CUL2: variants seen among roughly 807,000 people sequenced by gnomAD.
CUL2 encodes cullin 2, also known as cullin-2.
A neutral mutation model predicts 110.2 loss-of-function variants in CUL2; 22 were observed. The ratio of observed to expected loss-of-function variants is 0.20; its 90% CI spans 0.14 to 0.28. The LOEUF is 0.28. Ranked by LOEUF, CUL2 falls within the 10% of genes least tolerant of loss-of-function variation. The pLI is 1.00. For missense variants in CUL2, 631 were observed against 905.5 expected, an observed-to-expected ratio of 0.70 and a Z score of 3.89; for synonymous variants, 279 against 293.2, an observed-to-expected ratio of 0.95 and a Z score of 0.49.
At chr10:35,119,560 T>TTTTATTTATTTATTTA (rs10589195) in intron 1 of CUL2, among the ~76,000 whole-genome samples, 1 of 140,692 alleles carries the variant, frequency 7.1e-6, no homozygotes, top group Non-Finnish European at 1.5e-5. Context: ...TTAAAATTAA[T>TTTTATTTATTTATTTA]TTTATTTATT....
chr10:35,088,517 AAAAAG>A (rs1308502559), intron 1 of CUL2, among the ~76,000 whole-genome samples: 144 of 151,534 alleles, frequency 9.5e-4, no homozygotes, highest in African/African-American at 3.4e-3. Flanking sequence ...AAAAAAAAAA[AAAAAG>A]AAATGTAATG....
In CUL2 at chr10:35,008,942, G is replaced by T. The variant is rs1250630410; in HGVS notation, c.*1369C>A. ...AAAATATTCCGATTTTAAAAATTTT[G>T]TGTTGGATGGATGCAGTGGCTCATG... On this transcript the variant is annotated 3_prime_UTR_variant, in exon 21 of 21. Transcript: ENST00000374749. The T allele has an allele frequency of 6.6e-6, 1 of 151,866 alleles. No homozygotes were observed. Among genetic ancestry groups the T allele is most frequent in the African/African-American group, 2.4e-5 (1 of 41,354 alleles). 9.4% of individuals were successfully genotyped at this position (151,866 alleles called of 1,614,324 possible). A position where few individuals can be genotyped will look rare whatever the true frequency, so the allele number is the denominator to read the frequency against.
At chr10:35,021,881 T>TGAGGTGGGGTGAGGTGGGGG (rs2085207351) in intron 17 of CUL2, among the ~76,000 whole-genome samples, 1 of 34,704 alleles carries the variant, frequency 2.9e-5, no homozygotes, top group African/African-American at 1.2e-4. Context: ...TGAGGTGGGG[T>TGAGGTGGGGTGAGGTGGGGG]GAGGTGGGGT....
rs565990134 is a variant in CUL2 at position 35,029,423 on chromosome 10, T to C, written c.1539+65A>G. ...CCAAACGTAATCAGGCATCCATTTA[T>C]GAATCATTTGTATCAACGTACTGAA... On this transcript the variant is annotated intron_variant, in intron 15 of 20. Coordinates refer to ENST00000374749, the MANE Select transcript of CUL2 (RefSeq NM_003591.4). 36 of 1,121,520 alleles carry C rather than the reference T, an allele frequency of 3.2e-5. No individual in the cohort carries two copies. In the South Asian group the frequency reaches 6.3e-4, roughly 20 times the overall value. The allele number at this position is 1,121,520 out of a possible 1,614,324, so 69.5% of individuals were successfully genotyped here.
chr10:35,042,530 A>G (rs902282133), intron 8 of CUL2, among the ~76,000 whole-genome samples: 1 of 151,952 alleles, frequency 6.6e-6, no homozygotes. Context: ...ATCTTGCCCT[A>G]CCTTTCTGAC....
chr10:35,075,596 C>T (rs1240971806), intron 1 of CUL2, among the ~76,000 whole-genome samples: 1 of 151,166 alleles, frequency 6.6e-6, no homozygotes, highest in Non-Finnish European at 1.5e-5. Flanking sequence ...GGGTTTTAGA[C>T]ACACAGGTCC....
chr10:35,060,372 AC>A (rs1356093422), intron 4 of CUL2, among the ~76,000 whole-genome samples: 1 of 152,212 alleles, frequency 6.6e-6, no homozygotes, highest in Non-Finnish European at 1.5e-5. Flanking sequence ...GATGGGAGAG[AC>A]CATGGGCCAT....
chr10:35,014,926 G>GA (rs1157577794), intron 18 of CUL2, among the ~76,000 whole-genome samples: 2 of 152,006 alleles, frequency 1.3e-5, no homozygotes, highest in African/African-American at 4.8e-5. Context: ...GCATGTTTTA[G>GA]AAAAAAATAT....
At chr10:35,099,283 C>T (rs559582798) in intron 2 of CUL2, among the ~76,000 whole-genome samples, 28 of 151,208 alleles carry the variant, frequency 1.9e-4, no homozygotes, top group South Asian at 1.0e-3. Flanking sequence ...CCCAGCTACT[C>T]GGGAGACTGA....
At chr10:35,095,471 C>T (rs1037421997), upstream of CUL2, among the ~76,000 whole-genome samples, 11 of 152,072 alleles carry the variant, frequency 7.2e-5, no homozygotes, top group Non-Finnish European at 1.2e-4. Context: ...CGTATCAGAA[C>T]ATATAATATA....
chr10:35,060,979 A>G lies in CUL2; in HGVS notation c.223-11T>C. ...TGACTCCAAAACTCTCTATATAAAG[A>G]GGAAAAATATTTTTACTTGAAAAGC... On this transcript the variant is annotated splice_polypyrimidine_tract_variant and intron_variant, in intron 3 of 20. Transcript: ENST00000374749. 6.3e-7 allele frequency: 1 copy of G among 1,597,988 alleles called. No individual in the cohort carries two copies. The highest frequency in any genetic ancestry group is 8.5e-7 in the Non-Finnish European group (1 of 1,175,106).
At chr10:35,040,182 A>C (rs11599898) in intron 8 of CUL2, among the ~76,000 whole-genome samples, 20,564 of 152,142 alleles carry the variant, frequency 0.14, 1,568 homozygotes, top group South Asian at 0.2. Flanking sequence ...AAAAATAAAA[A>C]ATTTGAAAGT....
rs114607033 is a variant in CUL2 at position 35,112,866 on chromosome 10, C to G, written c.-50-11806G>C. 9.8e-3 allele frequency among the ~76,000 whole-genome samples: 1,494 copies of G among 152,144 alleles called. 33 individuals are homozygous for G. Among genetic ancestry groups the G allele is most frequent in the African/African-American group, 0.034 (1,430 of 41,496 alleles). On this transcript the variant is annotated intron_variant, in intron 1 of 5. Transcript: ENST00000685421. The stretch of plus-strand genomic sequence containing the variant: ...TCTTAAAATAAAATTTTAAAAGGAT[C>G]TAACTGATTTCAAGTACTTAACTGC...
At position 35,101,991 on chromosome 10, in the gene CUL2, G is replaced by A. The variant is rs531846909; in HGVS notation, c.-50-931C>T. 2.4e-3 allele frequency among the ~76,000 whole-genome samples: 367 copies of A among 152,312 alleles called. 2 individuals are homozygous for A. Among genetic ancestry groups the A allele is most frequent in the Admixed American group, 8.1e-3 (124 of 15,288 alleles). On this transcript the variant is annotated intron_variant, in intron 1 of 5. Transcript: ENST00000685421. The stretch of plus-strand genomic sequence containing the variant: ...AGCCTCCCAAAATGCTGGGATTACA[G>A]GTGTGAGCCATTGCCAGGCAGGCCA...
At chr10:35,062,333 C>T (rs1248830716) in intron 3 of CUL2, among the ~76,000 whole-genome samples, 9 of 151,890 alleles carry the variant, frequency 5.9e-5, no homozygotes, top group Non-Finnish European at 1.0e-4. Context: ...TGAAAGGCAG[C>T]TAAAAAGCTG....
intron 4 of CUL2, among the ~76,000 whole-genome samples, chr10:35,058,102 T>C (rs1424795585): frequency 6.6e-6 from 1 of 152,030 alleles, no homozygotes; most frequent in African/African-American, 2.4e-5. Context: ...TCCCAAAAAT[T>C]AGTAATAAAA....
intron 1 of CUL2, chr10:35,120,631 A>G (rs1021555168): frequency 7.9e-5 from 12 of 152,092 alleles, no homozygotes; most frequent in Non-Finnish European, 1.5e-5. Flanking sequence ...GGCTGGGCTC[A>G]TGCGTGTGAA....
At chr10:35,069,590 T>C (rs752022195) in intron 2 of CUL2, among the ~76,000 whole-genome samples, 28 of 150,676 alleles carry the variant, frequency 1.9e-4, no homozygotes, top group Admixed American at 3.3e-4. Flanking sequence ...CCATATTAGA[T>C]GGACCAAACA....
At chr10:35,108,454 CAA>C (rs774124021) in intron 1 of CUL2, among the ~76,000 whole-genome samples, 11 of 96,114 alleles carry the variant, frequency 1.1e-4, no homozygotes, top group Non-Finnish European at 1.3e-4. Flanking sequence ...GACCCTGACT[CAA>C]AAAAAAAAAA....
Sources: gnomAD v4.1 joint callset for allele counts (sites outside exome capture counted in the v4.1 genomes callset) on GRCh38, gnomAD v4.1.1 for gene constraint, MANE v1.5 for transcripts, NCBI Gene and HGNC (gene_info 2026-07-23, HGNC 2026-07-21) for gene names.